CCNY: variants seen among roughly 807,000 people sequenced by gnomAD.
CCNY encodes the protein cyclin-Y.
In CCNY, 19 loss-of-function variants were observed where a neutral mutation model predicts 42.8. The observed-to-expected ratio is 0.44, with a 90% CI of 0.31 to 0.65. The LOEUF is 0.65. Ranked by LOEUF, CCNY falls within the 30% of genes least tolerant of loss-of-function variation. The pLI, the probability that CCNY is intolerant of heterozygous loss-of-function variation, is 0.07. For synonymous variants in CCNY, 165 were observed against 162.7 expected, an observed-to-expected ratio of 1.01 and a Z score of -0.11; for missense variants, 370 against 437.3, an observed-to-expected ratio of 0.85 and a Z score of 1.37.
intron 3 of CCNY, among the ~76,000 whole-genome samples, chr10:35,502,091 C>T (rs1263881902): frequency 5.9e-5 from 9 of 152,226 alleles, no homozygotes; most frequent in Admixed American, 5.9e-4. Flanking sequence ...TTAGCCATGT[C>T]TCCCTCCCCT....
intron 1 of CCNY, among the ~76,000 whole-genome samples, chr10:35,457,351 C>T (rs979657903): frequency 3.9e-5 from 6 of 152,304 alleles, no homozygotes; most frequent in Middle Eastern, 3.4e-3. Context: ...GCCTTTCTTA[C>T]TTGTGGTCAT....
intron 3 of CCNY, among the ~76,000 whole-genome samples, chr10:35,273,527 C>T (rs1400378773): frequency 6.6e-6 from 1 of 151,990 alleles, no homozygotes; most frequent in East Asian, 1.9e-4. Flanking sequence ...CTTACCAGCT[C>T]ATGCAGTTTA....
intron 3 of CCNY, among the ~76,000 whole-genome samples, chr10:35,285,356 T>C (rs1227344600): frequency 6.6e-6 from 1 of 152,122 alleles, no homozygotes; most frequent in East Asian, 1.9e-4. Flanking sequence ...GCCTATATCA[T>C]TGTGTTTGAA....
intron 1 of CCNY, among the ~76,000 whole-genome samples, chr10:35,408,244 G>A (rs1837825232): frequency 6.6e-6 from 1 of 152,198 alleles, no homozygotes; most frequent in Non-Finnish European, 1.5e-5. Context: ...GTGAGGACAG[G>A]GGACTGGTCT....
At chr10:35,461,118 A>G (rs1278324466) in intron 1 of CCNY, among the ~76,000 whole-genome samples, 3 of 152,154 alleles carry the variant, frequency 2.0e-5, no homozygotes, top group Non-Finnish European at 4.4e-5. Flanking sequence ...TATGGAAGCA[A>G]GTGGGGGATC....
intron 1 of CCNY, among the ~76,000 whole-genome samples, chr10:35,385,594 A>G (rs1837285271): frequency 6.6e-6 from 1 of 152,260 alleles, no homozygotes; most frequent in South Asian, 2.1e-4. Context: ...TACTCCCAGA[A>G]GCAAAGGTGA....
intron 3 of CCNY, among the ~76,000 whole-genome samples, chr10:35,293,889 C>T (rs1835442984): frequency 6.6e-6 from 1 of 150,968 alleles, no homozygotes; most frequent in Non-Finnish European, 1.5e-5. Context: ...CTCCTGGGTT[C>T]AAGTGATTCT....
chr10:35,422,901 G>T (rs1476040101), intron 1 of CCNY, among the ~76,000 whole-genome samples: 1 of 152,130 alleles, frequency 6.6e-6, no homozygotes, highest in Non-Finnish European at 1.5e-5. Flanking sequence ...TTCTCTAAGA[G>T]CACAATAACA....
At chr10:35,364,887 C>CTA (rs1836776220) in intron 1 of CCNY, among the ~76,000 whole-genome samples, 1 of 152,174 alleles carries the variant, frequency 6.6e-6, no homozygotes, top group Non-Finnish European at 1.5e-5. Context: ...GAGCCCTTCT[C>CTA]TAAGTGTGGA....
At chr10:35,402,814 T>C (rs1164995040) in intron 1 of CCNY, among the ~76,000 whole-genome samples, 1 of 152,150 alleles carries the variant, frequency 6.6e-6, no homozygotes, top group African/African-American at 2.4e-5. Context: ...GGTGGCAATT[T>C]GAGGTAAAAC....
intron 1 of CCNY, among the ~76,000 whole-genome samples, chr10:35,368,167 AC>A: frequency 6.6e-6 from 1 of 152,316 alleles, no homozygotes; most frequent in Admixed American, 6.5e-5. Flanking sequence ...GTGGAAAAAC[AC>A]CTGCCCAGAA....
intron 2 of CCNY, among the ~76,000 whole-genome samples, chr10:35,497,969 A>T (rs1840034747): frequency 1.3e-5 from 2 of 152,100 alleles, no homozygotes; most frequent in Non-Finnish European, 2.9e-5. Context: ...CCACTGCTTT[A>T]TGGGGGTCCA....
In CCNY at chr10:35,337,025, TAGC is replaced by T. The variant is rs776174928; in HGVS notation, c.-23_-21del. The T allele has an allele frequency of 4.6e-6, 7 of 1,521,238 alleles. No homozygotes were observed. The highest frequency in any genetic ancestry group is 1.4e-5 in the African/African-American group (1 of 70,064). The allele number at this position is 1,521,238 out of a possible 1,614,324, so 94.2% of individuals were successfully genotyped here. A position where few individuals can be genotyped will look rare whatever the true frequency, so the allele number is the denominator to read the frequency against. On this transcript the variant is annotated 5_prime_UTR_variant, in exon 1 of 10. Coordinates refer to ENST00000374704, the MANE Select transcript of CCNY (RefSeq NM_145012.6). ...GCTCCCGGGGACTGGGAGAACAGGA[TAGC>T]AGCAGGAGTCGGGGGGCCGCCGAAG...
intron 3 of CCNY, among the ~76,000 whole-genome samples, chr10:35,299,212 A>T (rs139036519): frequency 2.2e-4 from 33 of 152,360 alleles, no homozygotes; most frequent in Admixed American, 7.2e-4. Context: ...TGAACGTTCC[A>T]TCTGCACTGA....
intron 3 of CCNY, among the ~76,000 whole-genome samples, chr10:35,326,440 G>A (rs1324307580): frequency 1.3e-5 from 2 of 152,238 alleles, no homozygotes; most frequent in African/African-American, 4.8e-5. Flanking sequence ...CTTGGCTTAA[G>A]TGGCAGCATA....
intron 3 of CCNY, among the ~76,000 whole-genome samples, chr10:35,291,616 T>C (rs559863911): frequency 3.4e-5 from 5 of 146,898 alleles, no homozygotes; most frequent in African/African-American, 1.0e-4. Context: ...CTGCTACCTC[T>C]ACCTCCCGGG....
chr10:35,468,704 G>A (rs1839322235), intron 1 of CCNY, among the ~76,000 whole-genome samples: 1 of 152,086 alleles, frequency 6.6e-6, no homozygotes, highest in Non-Finnish European at 1.5e-5. Context: ...ATAATCTGGT[G>A]GAATTCTGGG....
intron 3 of CCNY, chr10:35,314,651 T>C (rs1835732589): frequency 6.6e-6 from 1 of 152,222 alleles, no homozygotes; most frequent in South Asian, 2.1e-4. Context: ...TTTTCCATAG[T>C]ACATTTATGA....
At chr10:35,334,273 C>T (rs1024507329), upstream of CCNY, among the ~76,000 whole-genome samples, 1 of 152,208 alleles carries the variant, frequency 6.6e-6, no homozygotes, top group Admixed American at 6.5e-5. Context: ...AAATGTTATA[C>T]ATTTTATAAT....
Sources: gnomAD v4.1 joint callset for allele counts (sites outside exome capture counted in the v4.1 genomes callset) on GRCh38, gnomAD v4.1.1 for gene constraint, MANE v1.5 for transcripts, NCBI Gene and HGNC (gene_info 2026-07-23, HGNC 2026-07-21) for gene names.